STRN: variants seen among roughly 807,000 people sequenced by gnomAD.
The protein encoded by STRN is striatin.
Under a neutral mutation model 96.3 loss-of-function variants are expected in STRN, and 53 were observed. That is an observed-to-expected ratio of 0.55 (90% CI 0.44 to 0.69). The LOEUF is 0.69. STRN is among the 30% of genes least tolerant of loss of function. The pLI is 0.00. For missense variants in STRN, 987 were observed against 963.9 expected (o/e 1.02, Z -0.32); for synonymous variants, 428 against 355.9 (o/e 1.20, Z -2.28).
At chr2:36,903,164 C>G (rs964559071) in intron 4 of STRN, among the ~76,000 whole-genome samples, 1 of 152,090 alleles carries the variant, frequency 6.6e-6, no homozygotes, top group Admixed American at 6.6e-5. Flanking sequence ...TAGCATATAT[C>G]GTCTCCTTCA....
rs113293596 is a variant in STRN at position 36,886,828 on chromosome 2, T to C, written c.932-2A>G. On this transcript the variant is annotated splice_acceptor_variant, in intron 7 of 17. Coordinates refer to ENST00000263918, the MANE Select transcript of STRN (RefSeq NM_003162.4). LOFTEE classifies it high-confidence loss of function. ...GCATGAGACACTGGTCTTCCTTTTCTAAACAGAGTGAAACAAATGAAACAG... is the reference window on the plus strand; with the variant it reads ...GCATGAGACACTGGTCTTCCTTTTCCAAACAGAGTGAAACAAATGAAACAG... 3.1e-6 allele frequency: 5 copies of C among 1,609,084 alleles called. No individual in the cohort carries two copies. Among genetic ancestry groups the C allele is most frequent in the Non-Finnish European group, 4.2e-6 (5 of 1,177,674 alleles).
In STRN at chr2:36,950,213, G is replaced by GTTTTTTTT. The variant is rs745506504; in HGVS notation, c.234+16009_234+16016dup. ...GTTACTGGTTGGTTGGTTTGGTTTTGTTTTTTTTTTTTTTTTTTTTGAGAC... is the reference window on the plus strand; with the variant it reads ...GTTACTGGTTGGTTGGTTTGGTTTTGTTTTTTTTTTTTTTTTTTTTTTTTTTTTGAGAC... On this transcript the variant is annotated intron_variant, in intron 1 of 17. Coordinates refer to ENST00000263918, the MANE Select transcript of STRN (RefSeq NM_003162.4). 5.9e-4 allele frequency among the ~76,000 whole-genome samples: 64 copies of GTTTTTTTT among 109,038 alleles called. 1 individual carries two copies. The highest frequency in any genetic ancestry group is 5.4e-3 in the East Asian group (18 of 3,326). 71.5% of individuals were successfully genotyped at this position (109,038 alleles called of 152,430 possible). A position where few individuals can be genotyped will look rare whatever the true frequency, so the allele number is the denominator to read the frequency against.
intron 7 of STRN, among the ~76,000 whole-genome samples, chr2:36,889,828 T>C (rs533202862): frequency 6.6e-6 from 1 of 152,290 alleles, no homozygotes; most frequent in South Asian, 2.1e-4. Flanking sequence ...CATTTACTCA[T>C]GCTCACTAAC....
chr2:36,953,064 C>A (rs3770775), intron 1 of STRN, among the ~76,000 whole-genome samples: 23,746 of 152,202 alleles, frequency 0.16, 1,927 homozygotes, highest in South Asian at 0.24. Context: ...AGTATTGGAT[C>A]TGATTTCTCT....
In STRN at chr2:36,845,352, C is replaced by T. The variant is rs1215700047; in HGVS notation, c.*4104G>A. 2 of 151,472 alleles carry T rather than the reference C, an allele frequency of 1.3e-5. No homozygotes were observed. The highest frequency in any genetic ancestry group is 1.3e-4 in the Admixed American group (2 of 15,246). The allele number at this position is 151,472 out of a possible 1,614,324, so 9.4% of individuals were successfully genotyped here. On this transcript the variant is annotated 3_prime_UTR_variant, in exon 18 of 18. Coordinates refer to ENST00000263918, the MANE Select transcript of STRN (RefSeq NM_003162.4). ...TGACAAAGCCTGAGAAAAGCACCAA[C>T]ATAGATTTTTTTTTAATTGCATCCA...
intron 12 of STRN, among the ~76,000 whole-genome samples, chr2:36,864,965 T>C (rs550621236): frequency 1.3e-5 from 2 of 152,330 alleles, no homozygotes; most frequent in South Asian, 2.1e-4. Flanking sequence ...TCTACCCACC[T>C]TGACCTCCCA....
chr2:36,886,903 G>T, intron 7 of STRN, 77 bp from the exon 8 acceptor site: 1 of 1,109,794 alleles, frequency 9.0e-7, no homozygotes, highest in Non-Finnish European at 1.3e-6. Flanking sequence ...TCTGAATGAC[G>T]TAACAACCAC....
intron 3 of STRN, among the ~76,000 whole-genome samples, chr2:36,915,426 T>C (rs2148217754): frequency 6.6e-6 from 1 of 151,568 alleles, no homozygotes; most frequent in Non-Finnish European, 1.5e-5. Flanking sequence ...TTGTCATTCT[T>C]CCCTAATACC....
intron 10 of STRN, among the ~76,000 whole-genome samples, chr2:36,872,273 G>C (rs1477410341): frequency 6.6e-6 from 1 of 152,216 alleles, no homozygotes; most frequent in Non-Finnish European, 1.5e-5. Flanking sequence ...GGGGGAGCCA[G>C]CTGCCATGCT....
intron 15 of STRN, among the ~76,000 whole-genome samples, chr2:36,854,438 A>G (rs1668294668): frequency 1.3e-5 from 2 of 152,218 alleles, no homozygotes; most frequent in Non-Finnish European, 2.9e-5. Context: ...ACAACAGGTT[A>G]GGAAGGGAAA....
intron 3 of STRN, among the ~76,000 whole-genome samples, chr2:36,915,232 A>AATATATATATATATATAT (rs72466696): frequency 4.9e-4 from 42 of 86,476 alleles, no homozygotes; most frequent in East Asian, 1.3e-3. Flanking sequence ...TGAATACATA[A>AATATATATATATATATAT]ATATATATAT....
intron 7 of STRN, among the ~76,000 whole-genome samples, chr2:36,887,731 AATG>A (rs1449099475): frequency 6.6e-6 from 1 of 152,230 alleles, no homozygotes; most frequent in African/African-American, 2.4e-5. Flanking sequence ...TTACAACTTA[AATG>A]ATGTTAGTTT....
intron 1 of STRN, among the ~76,000 whole-genome samples, chr2:36,938,760 G>C (rs1277520235): frequency 6.6e-6 from 1 of 152,036 alleles, no homozygotes; most frequent in East Asian, 1.9e-4. Flanking sequence ...ACAATTTTGT[G>C]ATTTTTCATG....
chr2:36,946,580 G>A (rs1438434161), intron 1 of STRN, among the ~76,000 whole-genome samples: 1 of 152,184 alleles, frequency 6.6e-6, no homozygotes, highest in African/African-American at 2.4e-5. Context: ...TGTGTATACA[G>A]AAAATGTGGT....
chr2:36,899,411 G>A (rs1669625252), intron 6 of STRN, 112 bp downstream of exon 6: 2 of 1,062,508 alleles, frequency 1.9e-6, no homozygotes, highest in Admixed American at 3.9e-5. Flanking sequence ...CCAAATTCAT[G>A]AAAAAGAAAA....
chr2:36,915,021 C>T (rs1288775453), intron 3 of STRN, among the ~76,000 whole-genome samples: 1 of 151,204 alleles, frequency 6.6e-6, no homozygotes, highest in Non-Finnish European at 1.5e-5. Context: ...CACGGTGAAA[C>T]CCCGTCTCTA....
intron 14 of STRN, among the ~76,000 whole-genome samples, chr2:36,856,846 T>C (rs972278238): frequency 7.2e-5 from 11 of 152,024 alleles, no homozygotes; most frequent in Non-Finnish European, 1.3e-4. Context: ...CTCACAAGAT[T>C]TGGTTGTTTA....
intron 10 of STRN, among the ~76,000 whole-genome samples, chr2:36,871,076 C>T (rs1668749937): frequency 6.6e-6 from 1 of 152,092 alleles, no homozygotes; most frequent in South Asian, 2.1e-4. Flanking sequence ...TGTGTTTGTG[C>T]TTTAAGCTGT....
chr2:36,908,656 T>C lies in STRN; in HGVS notation c.413-3038A>G, dbSNP rs573318911. Among the ~76,000 whole-genome samples, 579 of 152,198 alleles carry C rather than the reference T, an allele frequency of 3.8e-3. 3 individuals are homozygous for C. Among genetic ancestry groups the C allele is most frequent in the African/African-American group, 0.014 (562 of 41,528 alleles). On this transcript the variant is annotated intron_variant, in intron 3 of 17. Transcript: ENST00000263918. ...AAAAAAGTGTATTCTTACACTGAGATAAAATCTGACCCTCTAAGTAACATC... is the reference window on the plus strand; with the variant it reads ...AAAAAAGTGTATTCTTACACTGAGACAAAATCTGACCCTCTAAGTAACATC...
Sources: gnomAD v4.1 joint callset for allele counts (sites outside exome capture counted in the v4.1 genomes callset) on GRCh38, gnomAD v4.1.1 for gene constraint, MANE v1.5 for transcripts, NCBI Gene and HGNC (gene_info 2026-07-23, HGNC 2026-07-21) for gene names.